The following PSME4 variants were observed in gnomAD, a reference collection of about 807,000 sequenced individuals.
PSME4 encodes the protein proteasome activator complex subunit 4.
PSME4 carries 89 observed loss-of-function variants against 253.9 expected under a neutral mutation model. That is an observed-to-expected ratio of 0.35 (90% CI 0.30 to 0.42). PSME4 has a LOEUF of 0.42. Among genes scored for constraint, PSME4 ranks in the 10% least tolerant of loss-of-function variants. PSME4 has a pLI of 1.00. For synonymous variants in PSME4, 851 were observed against 759.2 expected (o/e 1.12, Z -1.99); for missense variants, 2,014 against 2,195.2 (o/e 0.92, Z 1.65).
At chr2:53,930,964 T>A (rs1668801244) in intron 10 of PSME4, among the ~76,000 whole-genome samples, 1 of 152,160 alleles carries the variant, frequency 6.6e-6, no homozygotes. Context: ...CTTGAACAAG[T>A]TACTTTAAAA....
intron 36 of PSME4, among the ~76,000 whole-genome samples, chr2:53,892,551 C>G (rs751872771): frequency 2.0e-5 from 3 of 152,094 alleles, no homozygotes; most frequent in Non-Finnish European, 2.9e-5. Flanking sequence ...TTTCAAGAAA[C>G]TGGAATTCTT....
intron 10 of PSME4, among the ~76,000 whole-genome samples, chr2:53,929,453 C>T (rs1196666405): frequency 2.0e-5 from 3 of 152,154 alleles, no homozygotes; most frequent in South Asian, 4.2e-4. Context: ...TTACCACTCC[C>T]GGCTAACTTT....
chr2:53,916,548 A>T lies in PSME4; in HGVS notation c.2516+2603T>A, dbSNP rs1668073209. 2.0e-5 allele frequency among the ~76,000 whole-genome samples: 3 copies of T among 152,346 alleles called. No individual in the cohort carries two copies. The South Asian group carries it at 6.2e-4, about 32-fold the overall frequency. On this transcript the variant is annotated intron_variant, in intron 20 of 46. Coordinates refer to ENST00000404125, the MANE Select transcript of PSME4 (RefSeq NM_014614.3). The stretch of plus-strand genomic sequence containing the variant: ...AATCACCATAAATCATGCTACAGAT[A>T]TTCATTCTTCACACCAGGCAGTATG...
chr2:53,962,154 A>G (rs1287471743), intron 1 of PSME4, among the ~76,000 whole-genome samples: 2 of 152,226 alleles, frequency 1.3e-5, no homozygotes, highest in Non-Finnish European at 2.9e-5. Context: ...TTTCTTCATT[A>G]TGGCTAGCAG....
chr2:53,866,309 C>T, intron 45 of PSME4, 86 bp from the exon 46 acceptor site: 1 of 1,414,980 alleles, frequency 7.1e-7, no homozygotes, highest in Middle Eastern at 1.9e-4. Context: ...ATTACCGTCC[C>T]TCTAGACTTC....
At chr2:53,942,457 T>G (rs1359449341) in intron 3 of PSME4, among the ~76,000 whole-genome samples, 1 of 151,940 alleles carries the variant, frequency 6.6e-6, no homozygotes, top group African/African-American at 2.4e-5. Flanking sequence ...AAAAGATACA[T>G]CAGGTTGAAA....
At chr2:53,870,772 A>G (rs1417981404) in intron 43 of PSME4, 1 of 152,084 alleles carries the variant, frequency 6.6e-6, no homozygotes, top group Non-Finnish European at 1.5e-5. Flanking sequence ...ATTACAGTAT[A>G]TATTTTCAAT....
intron 10 of PSME4, among the ~76,000 whole-genome samples, chr2:53,931,316 C>T (rs1279711350): frequency 6.6e-6 from 1 of 152,062 alleles, no homozygotes; most frequent in Non-Finnish European, 1.5e-5. Flanking sequence ...AAGTATACCA[C>T]GCCTATTCTG....
chr2:53,903,634 T>G (rs148049747), intron 27 of PSME4, among the ~76,000 whole-genome samples: 19 of 152,306 alleles, frequency 1.2e-4, no homozygotes, highest in South Asian at 4.1e-4. Context: ...TCTAAACTTC[T>G]TGGTCTTTCA....
chr2:53,885,807 T>C (rs774815980), intron 40 of PSME4, 32 bp from the exon 41 acceptor site: 1 of 1,517,844 alleles, frequency 6.6e-7, no homozygotes, highest in East Asian at 2.3e-5. Flanking sequence ...AGAGTAAGTC[T>C]TTGCCATTCA....
At chr2:53,964,710 C>T (rs1361514185) in intron 1 of PSME4, among the ~76,000 whole-genome samples, 5 of 152,190 alleles carry the variant, frequency 3.3e-5, no homozygotes, top group African/African-American at 7.2e-5. Context: ...TTTCCCAACA[C>T]GGGGATGATA....
At chr2:53,933,704 A>T (rs1668968325) in intron 8 of PSME4, among the ~76,000 whole-genome samples, 1 of 152,190 alleles carries the variant, frequency 6.6e-6, no homozygotes, top group Admixed American at 6.5e-5. Flanking sequence ...TTAACACAAA[A>T]TGAAGTTGCC....
In PSME4 at chr2:53,901,338, G is replaced by T. The variant is rs775372530; in HGVS notation, c.3285+12C>A. ...TACACTAAAACTTGAATGAAAGAAT[G>T]ATATTGCTTACTGTGAAGTCCAAGC... On this transcript the variant is annotated intron_variant, in intron 28 of 46. Transcript: ENST00000404125. 3.1e-6 allele frequency: 5 copies of T among 1,591,718 alleles called. No individual in the cohort carries two copies. The South Asian group carries it at 4.4e-5, about 14-fold the overall frequency.
In PSME4 at chr2:53,888,716, T is replaced by C; in HGVS notation, c.4388+5A>G. The C allele has an allele frequency of 1.9e-6, 3 of 1,601,022 alleles. No homozygotes were observed. Among genetic ancestry groups the C allele is most frequent in the Non-Finnish European group, 2.6e-6 (3 of 1,169,156 alleles). ...TAACCTCATAGGTTTTTTAAAAAAA[T>C]TTACCATGCATCTACAAAGGATCCT... is the stretch of plus-strand genomic sequence containing the variant. On this transcript the variant is annotated splice_donor_5th_base_variant and intron_variant, in intron 38 of 46. Coordinates refer to ENST00000404125, the MANE Select transcript of PSME4 (RefSeq NM_014614.3).
intron 20 of PSME4, among the ~76,000 whole-genome samples, chr2:53,910,520 A>G (rs892513522): frequency 6.6e-6 from 1 of 152,250 alleles, no homozygotes; most frequent in Non-Finnish European, 1.5e-5. Context: ...GATAATCATT[A>G]CCTTCCTCTT....
chr2:53,895,503 G>A (rs532245713), intron 33 of PSME4, 80 bp downstream of exon 33: 144 of 1,402,416 alleles, frequency 1.0e-4, no homozygotes, highest in Admixed American at 1.4e-4. Context: ...AAGTGCCTCT[G>A]AACCTCCCCA....
chr2:53,901,238 T>G, intron 28 of PSME4, 112 bp downstream of exon 28: 1 of 964,444 alleles, frequency 1.0e-6, no homozygotes, highest in East Asian at 2.5e-5. Flanking sequence ...AAAAAAACAC[T>G]GGACTCAAAT....
rs768126778 is a variant in PSME4 at position 53,887,361 on chromosome 2, G to T, written c.4627C>A (p.Pro1543Thr). 1.2e-6 allele frequency: 2 copies of T among 1,613,536 alleles called. No individual in the cohort carries two copies. Among genetic ancestry groups the T allele is most frequent in the East Asian group, 2.2e-5 (1 of 44,872 alleles). The change falls in exon 40 of 47, where the codon CCT becomes ACT. Residue 1543 changes from proline to threonine, a missense_variant. Physicochemically the swap from Pro to Thr is conservative, Grantham distance 38. This residue lies in a region of PSME4 where 403 missense variants were observed against 556.1 expected (regional missense o/e 0.72). Transcript: ENST00000404125. Reference protein sequence around the residue: ...FTARILEKLKPLMDVDEEIQN... With the variant: ...FTARILEKLKTLMDVDEEIQN... ...ATTTCTTCATCCACATCCATGAGAG[G>T]TTTCAATTTCTCCAGAATTCGAGCA... is the stretch of plus-strand genomic sequence containing the variant.
At chr2:53,910,426 T>G (rs1667776522) in intron 20 of PSME4, among the ~76,000 whole-genome samples, 1 of 152,110 alleles carries the variant, frequency 6.6e-6, no homozygotes, top group African/African-American at 2.4e-5. Context: ...TGATAAACCT[T>G]TACATAAAGA....
Sources: allele counts gnomAD v4.1 joint callset (sites outside exome capture counted in the v4.1 genomes callset), GRCh38; gene constraint gnomAD v4.1.1; regional missense constraint gnomAD v4.1.1; transcripts MANE v1.5; gene names NCBI Gene and HGNC (gene_info 2026-07-23, HGNC 2026-07-21).